Variants in CNTNAP2 observed in about 807,000 individuals in gnomAD.
CNTNAP2 encodes the protein contactin associated protein 2.
Under a neutral mutation model 155.2 loss-of-function variants are expected in CNTNAP2, and 98 were observed. That is an observed-to-expected ratio of 0.63 (90% CI 0.54 to 0.75). The LOEUF is 0.75. CNTNAP2 is among the 30% of genes least tolerant of loss of function. The pLI, the probability that CNTNAP2 is intolerant of heterozygous loss-of-function variation, is 0.00. For missense variants in CNTNAP2, 1,727 were observed against 1,688.1 expected (o/e 1.02, Z -0.40); for synonymous variants, 651 against 631.2 (o/e 1.03, Z -0.47).
At chr7:146,442,779 C>T (rs780377322) in intron 1 of CNTNAP2, among the ~76,000 whole-genome samples, 1 of 152,176 alleles carries the variant, frequency 6.6e-6, no homozygotes, top group East Asian at 1.9e-4. Flanking sequence ...AACATTAGTA[C>T]TTGAGGCTTG....
chr7:146,943,822 A>C (rs1797103859), intron 3 of CNTNAP2, among the ~76,000 whole-genome samples: 1 of 152,204 alleles, frequency 6.6e-6, no homozygotes, highest in Admixed American at 6.5e-5. Context: ...ATTACTTACT[A>C]CTGCAATACT....
chr7:148,284,738 A>G (rs1797051854), intron 21 of CNTNAP2, among the ~76,000 whole-genome samples: 1 of 152,074 alleles, frequency 6.6e-6, no homozygotes, highest in African/African-American at 2.4e-5. Context: ...GGCTACAAAG[A>G]CCCTTTATGT....
At chr7:148,024,834 T>G (rs1802348936) in intron 15 of CNTNAP2, among the ~76,000 whole-genome samples, 1 of 152,174 alleles carries the variant, frequency 6.6e-6, no homozygotes, top group Admixed American at 6.5e-5. Flanking sequence ...AGAAGCCCCC[T>G]GCCTTCTCCT....
At chr7:146,381,552 A>C (rs187616433) in intron 1 of CNTNAP2, among the ~76,000 whole-genome samples, 4 of 152,134 alleles carry the variant, frequency 2.6e-5, no homozygotes, top group Non-Finnish European at 5.9e-5. Context: ...GAACTAAATG[A>C]GTTAATATTT....
At chr7:146,874,422 C>T (rs750982379) in intron 3 of CNTNAP2, among the ~76,000 whole-genome samples, 8 of 152,052 alleles carry the variant, frequency 5.3e-5, no homozygotes, top group South Asian at 2.1e-4. Context: ...TCACTGTAAC[C>T]GCTGTCTCCA....
intron 1 of CNTNAP2, among the ~76,000 whole-genome samples, chr7:146,260,677 G>A (rs969711835): frequency 6.6e-6 from 1 of 152,194 alleles, no homozygotes; most frequent in Non-Finnish European, 1.5e-5. Flanking sequence ...GAGAGCATTT[G>A]TCCCGTGCCT....
intron 11 of CNTNAP2, among the ~76,000 whole-genome samples, chr7:147,504,042 A>G (rs888396706): frequency 5.3e-5 from 8 of 152,142 alleles, no homozygotes; most frequent in African/African-American, 1.9e-4. Flanking sequence ...ATTTCAAACC[A>G]TTTCCTGTTG....
intron 9 of CNTNAP2, among the ~76,000 whole-genome samples, chr7:147,360,431 G>A (rs961109717): frequency 1.3e-5 from 2 of 152,156 alleles, no homozygotes; most frequent in Admixed American, 1.3e-4. Context: ...TTCTCCAAAA[G>A]TGTGTTGACC....
intron 21 of CNTNAP2, among the ~76,000 whole-genome samples, chr7:148,280,031 G>A (rs79765189): frequency 0.013 from 1,983 of 152,226 alleles, 44 homozygotes; most frequent in African/African-American, 0.046. Context: ...CAAGGAGGCC[G>A]GGCATGGTGG....
At chr7:146,321,148 A>G (rs141514224) in intron 1 of CNTNAP2, among the ~76,000 whole-genome samples, 280 of 152,248 alleles carry the variant, frequency 1.8e-3, no homozygotes, top group African/African-American at 6.4e-3. Flanking sequence ...TGCGCTTATT[A>G]GGAAAACAGT....
At chr7:146,413,699 T>C (rs1397189988) in intron 1 of CNTNAP2, among the ~76,000 whole-genome samples, 1 of 152,216 alleles carries the variant, frequency 6.6e-6, no homozygotes, top group Non-Finnish European at 1.5e-5. Flanking sequence ...CTCATACTTT[T>C]CTGCATTTGT....
At chr7:147,782,946 A>G (rs1797680662) in intron 13 of CNTNAP2, among the ~76,000 whole-genome samples, 1 of 152,232 alleles carries the variant, frequency 6.6e-6, no homozygotes, top group Non-Finnish European at 1.5e-5. Flanking sequence ...TCCATATTAT[A>G]TTTTTAAGCA....
At chr7:148,319,533 C>T (rs1412235579) in intron 21 of CNTNAP2, among the ~76,000 whole-genome samples, 1 of 152,106 alleles carries the variant, frequency 6.6e-6, no homozygotes, top group Non-Finnish European at 1.5e-5. Flanking sequence ...AACCAGGCCA[C>T]ACAGCAGGAG....
intron 8 of CNTNAP2, among the ~76,000 whole-genome samples, chr7:147,202,838 C>T (rs545876888): frequency 1.6e-5 from 2 of 122,086 alleles, no homozygotes; most frequent in East Asian, 5.4e-4. Flanking sequence ...AGGAGAAATA[C>T]CTAAAGTATA....
chr7:146,622,297 T>C (rs1401649749), intron 1 of CNTNAP2, among the ~76,000 whole-genome samples: 1 of 146,466 alleles, frequency 6.8e-6, no homozygotes, highest in Non-Finnish European at 1.5e-5. Flanking sequence ...ATATATGTTT[T>C]AGCTTGTATA....
chr7:146,370,709 A>G (rs1164750833), intron 1 of CNTNAP2, among the ~76,000 whole-genome samples: 3 of 152,156 alleles, frequency 2.0e-5, no homozygotes, highest in African/African-American at 7.2e-5. Context: ...CCTTGTTCCA[A>G]AGGAAACCAC....
At chr7:147,476,306 C>G (rs1798319192) in intron 10 of CNTNAP2, among the ~76,000 whole-genome samples, 1 of 151,908 alleles carries the variant, frequency 6.6e-6, no homozygotes, top group South Asian at 2.1e-4. Flanking sequence ...GGGGTTTCAC[C>G]GTGTTAACCA....
chr7:147,104,883 T>TAA (rs1390075517), intron 4 of CNTNAP2, among the ~76,000 whole-genome samples: 35 of 33,654 alleles, frequency 1.0e-3, no homozygotes, highest in African/African-American at 4.4e-3. Context: ...CATATATATA[T>TAA]ATATATATAT....
chr7:146,760,633 C>T (rs746926861), intron 1 of CNTNAP2, among the ~76,000 whole-genome samples: 4 of 151,660 alleles, frequency 2.6e-5, no homozygotes, highest in East Asian at 1.9e-4. Flanking sequence ...CCATGATGCC[C>T]AGGCTGGTCT....
Sources: gnomAD v4.1 joint callset for allele counts (sites outside exome capture counted in the v4.1 genomes callset) on GRCh38, gnomAD v4.1.1 for gene constraint, MANE v1.5 for transcripts, NCBI Gene and HGNC (gene_info 2026-07-23, HGNC 2026-07-21) for gene names.